The following ZRANB3 variants were observed in gnomAD, a reference collection of about 807,000 sequenced individuals.
ZRANB3 encodes the protein zinc finger RANBP2-type containing 3.
A neutral mutation model predicts 133.8 loss-of-function variants in ZRANB3; 125 were observed. The observed-to-expected ratio is 0.93, with a 90% CI of 0.81 to 1.08. The LOEUF (loss-of-function observed/expected upper bound fraction) is 1.08, where lower values mean the gene tolerates loss of function less well. Ranked by LOEUF, ZRANB3 falls within the 50% of genes least tolerant of loss-of-function variation. The pLI is 0.00. For missense variants in ZRANB3, 1,229 were observed against 1,275.5 expected, an observed-to-expected ratio of 0.96 and a Z score of 0.56; for synonymous variants, 387 against 432.7, an observed-to-expected ratio of 0.89 and a Z score of 1.31.
At chr2:135,527,084 C>G (rs1028013780) in intron 1 of ZRANB3, among the ~76,000 whole-genome samples, 4 of 152,136 alleles carry the variant, frequency 2.6e-5, no homozygotes, top group African/African-American at 9.7e-5. Flanking sequence ...AAGCTGTACC[C>G]CAACCACCTT....
At chr2:135,305,178 A>G (rs895060611) in intron 8 of ZRANB3, among the ~76,000 whole-genome samples, 1 of 152,190 alleles carries the variant, frequency 6.6e-6, no homozygotes, top group East Asian at 1.9e-4. Context: ...GGGTTTCGCC[A>G]TGTTTGCCAG....
At chr2:135,337,772 G>A (rs962086332) in intron 6 of ZRANB3, among the ~76,000 whole-genome samples, 2 of 152,160 alleles carry the variant, frequency 1.3e-5, no homozygotes, top group Admixed American at 6.5e-5. Flanking sequence ...ATTCTTAATA[G>A]AAAGTAGCCA....
chr2:135,242,500 G>T (rs184587248), intron 12 of ZRANB3, among the ~76,000 whole-genome samples: 4 of 151,632 alleles, frequency 2.6e-5, no homozygotes, highest in South Asian at 2.1e-4. Context: ...TGTTACCCAG[G>T]GGGGGCTCAA....
chr2:135,517,463 C>T (rs568440937), intron 1 of ZRANB3, among the ~76,000 whole-genome samples: 23 of 152,212 alleles, frequency 1.5e-4, no homozygotes, highest in African/African-American at 5.3e-4. Context: ...TTTGTGTGAG[C>T]GTCCTTTTTG....
chr2:135,240,608 T>C (rs1405892533), intron 12 of ZRANB3, among the ~76,000 whole-genome samples: 1 of 152,180 alleles, frequency 6.6e-6, no homozygotes, highest in African/African-American at 2.4e-5. Context: ...AGACAGGGTC[T>C]TCCTCTGTCA....
chr2:135,455,171 CTTTTTTTTTTTT>C (rs1166170814), intron 2 of ZRANB3, among the ~76,000 whole-genome samples: 85 of 37,592 alleles, frequency 2.3e-3, no homozygotes, highest in Admixed American at 0.013. Flanking sequence ...CCTTCTTATA[CTTTTTTTTTTTT>C]TTTTTTTTTT....
chr2:135,517,979 C>T (rs1693769339), intron 1 of ZRANB3, among the ~76,000 whole-genome samples: 1 of 152,170 alleles, frequency 6.6e-6, no homozygotes, highest in African/African-American at 2.4e-5. Flanking sequence ...TATAGAGAGG[C>T]ATTCTGGCTA....
intron 2 of ZRANB3, among the ~76,000 whole-genome samples, chr2:135,460,751 C>G (rs1400811192): frequency 1.3e-5 from 2 of 152,092 alleles, no homozygotes; most frequent in Non-Finnish European, 2.9e-5. Flanking sequence ...ATGAATTTAA[C>G]AAATTATGCT....
intron 3 of ZRANB3, among the ~76,000 whole-genome samples, chr2:135,364,736 C>T (rs1177972718): frequency 1.3e-5 from 2 of 151,768 alleles, no homozygotes; most frequent in African/African-American, 2.4e-5. Context: ...TAGGCTATGA[C>T]AGAGAGAGAC....
chr2:135,322,344 A>G (rs998447668), intron 6 of ZRANB3, among the ~76,000 whole-genome samples: 1 of 152,204 alleles, frequency 6.6e-6, no homozygotes, highest in African/African-American at 2.4e-5. Flanking sequence ...TAGATTTAAA[A>G]TGTCAATTTC....
At chr2:135,334,588 A>T (rs528180132) in intron 6 of ZRANB3, among the ~76,000 whole-genome samples, 304 of 151,596 alleles carry the variant, frequency 2.0e-3, no homozygotes, top group African/African-American at 7.2e-3. Context: ...CATGAGAGAC[A>T]TTTTTTTTTA....
At chr2:135,384,644 C>G (rs957483564) in intron 3 of ZRANB3, among the ~76,000 whole-genome samples, 36 of 152,258 alleles carry the variant, frequency 2.4e-4, no homozygotes, top group Admixed American at 8.5e-4. Flanking sequence ...GCTTATCCAC[C>G]ATGATCAAGT....
At chr2:135,380,107 C>G (rs764406459) in intron 3 of ZRANB3, among the ~76,000 whole-genome samples, 21 of 152,084 alleles carry the variant, frequency 1.4e-4, no homozygotes, top group Non-Finnish European at 2.5e-4. Context: ...AACAAGAAGA[C>G]TTAACTATCC....
intron 2 of ZRANB3, among the ~76,000 whole-genome samples, chr2:135,471,118 T>C (rs1047831796): frequency 6.6e-6 from 1 of 151,506 alleles, no homozygotes; most frequent in Non-Finnish European, 1.5e-5. Context: ...TTTTTTTTTT[T>C]CAACCAGAAA....
chr2:135,332,791 C>G (rs986697160), intron 6 of ZRANB3, among the ~76,000 whole-genome samples: 1 of 152,302 alleles, frequency 6.6e-6, no homozygotes, highest in East Asian at 1.9e-4. Context: ...ACATTTCAGT[C>G]AACTGACTCC....
chr2:135,503,252 T>C (rs1693026788), intron 2 of ZRANB3, among the ~76,000 whole-genome samples: 1 of 152,250 alleles, frequency 6.6e-6, no homozygotes, highest in Non-Finnish European at 1.5e-5. Context: ...TATAATGATG[T>C]CTGCAATTTA....
Position 135,254,716 on chromosome 2 carries a change from T to C in ZRANB3, c.1539+10818A>G, listed in dbSNP as rs114400699. The stretch of plus-strand genomic sequence containing the variant: ...TCAATGATTTTAGTATATTCAGACT[T>C]TGGCAACCATCACCCCTGTTTAATT... On this transcript the variant is annotated intron_variant, in intron 12 of 20. Coordinates refer to ENST00000264159, the MANE Select transcript of ZRANB3 (RefSeq NM_032143.4). 7.7e-3 allele frequency among the ~76,000 whole-genome samples: 1,177 copies of C among 152,240 alleles called. 14 individuals carry two copies. The highest frequency in any genetic ancestry group is 0.026 in the African/African-American group (1,063 of 41,554).
chr2:135,335,305 A>C (rs373312088), intron 6 of ZRANB3, among the ~76,000 whole-genome samples: 1 of 152,020 alleles, frequency 6.6e-6, no homozygotes, highest in Non-Finnish European at 1.5e-5. Flanking sequence ...TCTGGGTGAC[A>C]CAGAATAGTG....
At chr2:135,327,893 T>C (rs2104842725) in intron 6 of ZRANB3, among the ~76,000 whole-genome samples, 1 of 152,248 alleles carries the variant, frequency 6.6e-6, no homozygotes, top group Admixed American at 6.5e-5. Context: ...TGTCCTAAGA[T>C]AGTATTGTGA....
Sources: gnomAD v4.1 joint callset for allele counts (sites outside exome capture counted in the v4.1 genomes callset) on GRCh38, gnomAD v4.1.1 for gene constraint, MANE v1.5 for transcripts, NCBI Gene and HGNC (gene_info 2026-07-23, HGNC 2026-07-21) for gene names.